MYRFL: variants seen among roughly 807,000 people sequenced by gnomAD.
MYRFL encodes myelin regulatory factor like.
A neutral mutation model predicts 109.4 loss-of-function variants in MYRFL; 88 were observed. The ratio of observed to expected loss-of-function variants is 0.80; its 90% CI spans 0.68 to 0.96. MYRFL has a LOEUF of 0.96. Among genes scored for constraint, MYRFL ranks in the 40% least tolerant of loss-of-function variants. The pLI, the probability that MYRFL is intolerant of heterozygous loss-of-function variation, is 0.00. For missense variants in MYRFL, 957 were observed against 954.9 expected, an observed-to-expected ratio of 1.00 and a Z score of -0.03; for synonymous variants, 324 against 320.9, an observed-to-expected ratio of 1.01 and a Z score of -0.10.
intron 2 of MYRFL, among the ~76,000 whole-genome samples, chr12:69,859,697 A>G (rs936677174): frequency 1.3e-5 from 2 of 152,068 alleles, no homozygotes; most frequent in South Asian, 4.1e-4. Context: ...CATCAGAGAA[A>G]TGCAAATCAA....
chr12:69,957,877 T>G lies in MYRFL; in HGVS notation c.2506T>G (p.Phe836Val). 1 of 1,535,122 alleles carries G rather than the reference T, an allele frequency of 6.5e-7. No homozygotes were observed. Among genetic ancestry groups the G allele is most frequent in the Non-Finnish European group, 8.7e-7 (1 of 1,146,108 alleles). Residue 836 changes from phenylalanine to valine, a missense_variant, in exon 23 of 25, where the codon TTC (phenylalanine) becomes GTC (valine). Transcript: ENST00000552032. ...CAAATTCACCCTTGGAAATATATGT[T>G]TCCATAGTAAAAGGGGAACCAAAGG... Reference protein sequence around the residue: ...QCKFTLGNICFHSKRGTKGLE... With the variant: ...QCKFTLGNICVHSKRGTKGLE...
intron 7 of MYRFL, 105 bp from the exon 8 acceptor site, chr12:69,893,659 G>A (rs1887048067): frequency 7.8e-6 from 4 of 512,318 alleles, no homozygotes; most frequent in Non-Finnish European, 1.2e-5. Context: ...CCTGCCCAGT[G>A]CCTAGGATGA....
chr12:69,901,892 TGTTTTTTTTAAA>T (rs1277559867), intron 10 of MYRFL, among the ~76,000 whole-genome samples: 2 of 149,508 alleles, frequency 1.3e-5, no homozygotes, highest in African/African-American at 5.0e-5. Context: ...TGTTTTTTTT[TGTTTTTTTTAAA>T]TTTTCTTGAG....
At chr12:69,891,693 C>CTTTCTTTT (rs1566002958) in intron 7 of MYRFL, among the ~76,000 whole-genome samples, 2 of 98,516 alleles carry the variant, frequency 2.0e-5, no homozygotes, top group African/African-American at 1.0e-4. Flanking sequence ...TTCGTTCGTT[C>CTTTCTTTT]GTTCTTTCTT....
At chr12:69,926,779 A>C (rs1955099071) in intron 14 of MYRFL, 45 bp downstream of exon 14, 1 of 1,352,810 alleles carries the variant, frequency 7.4e-7, no homozygotes. Flanking sequence ...GAAAGGAGAG[A>C]GTGAGCTCTT....
At chr12:69,897,270 C>G (rs1954026499) in intron 10 of MYRFL, 24 bp downstream of exon 10, 2 of 1,490,912 alleles carry the variant, frequency 1.3e-6, no homozygotes, top group Non-Finnish European at 9.0e-7. Flanking sequence ...TCTGACTTTT[C>G]TGGATCTCAC....
At chr12:69,910,633 CAA>C (rs5798959) in intron 12 of MYRFL, among the ~76,000 whole-genome samples, 186 bp from the exon 13 acceptor site, 24,694 of 125,258 alleles carry the variant, frequency 0.2, 2,234 homozygotes, top group Middle Eastern at 0.3. Context: ...CCCAGAGTCT[CAA>C]AAAAAAAAAA....
chr12:69,954,765 G>A (rs979758438), intron 21 of MYRFL, among the ~76,000 whole-genome samples: 23 of 152,098 alleles, frequency 1.5e-4, no homozygotes, highest in Non-Finnish European at 2.9e-5. Context: ...GTTACAATAC[G>A]AATCAAAGGA....
In MYRFL at chr12:69,952,932, C is replaced by G. The variant is rs539581926; in HGVS notation, c.2375+46C>G. The G allele has an allele frequency of 1.8e-4, 243 of 1,370,342 alleles. 1 individual carries two copies. The South Asian group carries it at 3.1e-3, about 17-fold the overall frequency. The allele number at this position is 1,370,342 out of a possible 1,614,324, so 84.9% of individuals were successfully genotyped here. A position where few individuals can be genotyped will look rare whatever the true frequency, so the allele number is the denominator to read the frequency against. ...TGCCCTGGTTGTTTCTGGAATTTAC[C>G]CATGGCTCTGGGTTTTTAAGACTGC... On this transcript the variant is annotated intron_variant, in intron 21 of 24. Transcript: ENST00000552032.
At chr12:69,919,117 A>G (rs761838720) in intron 13 of MYRFL, among the ~76,000 whole-genome samples, 4 of 152,228 alleles carry the variant, frequency 2.6e-5, no homozygotes, top group Admixed American at 6.5e-5. Context: ...TAGGTGCTTA[A>G]TAAAGAACTA....
chr12:69,907,691 A>C (rs933685524), intron 11 of MYRFL, among the ~76,000 whole-genome samples: 5 of 152,102 alleles, frequency 3.3e-5, no homozygotes, highest in Admixed American at 1.3e-4. Context: ...TTTCCATCAA[A>C]AATTTTAGGT....
chr12:69,879,399 C>A lies in MYRFL; in HGVS notation c.410C>A (p.Ser137Tyr). Reference protein sequence around the residue: ...LATPLDQSVSSHLGIGCSYPQ... With the variant: ...LATPLDQSVSYHLGIGCSYPQ... ...ACCCCCCTGGACCAATCCGTGTCCTCCCATCTGGGGATAGGTTGTTCTTAC... is the reference window on the plus strand; with the variant it reads ...ACCCCCCTGGACCAATCCGTGTCCTACCATCTGGGGATAGGTTGTTCTTAC... Residue 137 changes from serine to tyrosine, a missense_variant, in exon 4 of 25, where the codon TCC (serine) becomes TAC (tyrosine). By Grantham distance (144) the Ser-to-Tyr change is moderately radical. Transcript: ENST00000552032. 1.4e-6 allele frequency: 1 copy of A among 702,894 alleles called. No homozygotes were observed. Among genetic ancestry groups the A allele is most frequent in the Non-Finnish European group, 2.6e-6 (1 of 384,834 alleles). The allele number at this position is 702,894 out of a possible 1,614,324, so 43.5% of individuals were successfully genotyped here.
Position 69,868,900 on chromosome 12 carries a change from GCA to G in MYRFL, c.138-10124_138-10123del, listed in dbSNP as rs199877608. The stretch of plus-strand genomic sequence containing the variant: ...CACACATGCACTCACACACACGTAC[GCA>G]CACGCGCACACACACATGTACTCAC... On this transcript the variant is annotated intron_variant, in intron 2 of 24. Transcript: ENST00000552032. Among the ~76,000 whole-genome samples, 715 of 150,972 alleles carry G rather than the reference GCA, an allele frequency of 4.7e-3. 8 individuals are homozygous for G. Among genetic ancestry groups the G allele is most frequent in the African/African-American group, 0.016 (667 of 41,060 alleles).
intron 1 of MYRFL, among the ~76,000 whole-genome samples, chr12:69,841,247 A>G (rs1883226730): frequency 6.6e-6 from 1 of 152,118 alleles, no homozygotes; most frequent in Non-Finnish European, 1.5e-5. Flanking sequence ...CTCCTCATCC[A>G]GTTCTCTCAT....
intron 19 of MYRFL, among the ~76,000 whole-genome samples, chr12:69,947,341 T>C (rs1955863729): frequency 1.3e-5 from 2 of 152,290 alleles, no homozygotes; most frequent in South Asian, 4.1e-4. Context: ...TCAACATTTT[T>C]ATGACATGCT....
chr12:69,938,748 A>AGAC (rs1332174221), intron 19 of MYRFL, among the ~76,000 whole-genome samples: 17 of 152,358 alleles, frequency 1.1e-4, no homozygotes, highest in Middle Eastern at 3.4e-3. Context: ...GCGATGCAGA[A>AGAC]GACGGGTGAT....
chr12:69,929,249 C>T (rs1268835311), intron 15 of MYRFL, among the ~76,000 whole-genome samples: 1 of 152,140 alleles, frequency 6.6e-6, no homozygotes, highest in Non-Finnish European at 1.5e-5. Context: ...GCTTAAAGAG[C>T]ACCCGTTCAA....
At chr12:69,861,216 A>G (rs1305609317) in intron 2 of MYRFL, among the ~76,000 whole-genome samples, 4 of 151,866 alleles carry the variant, frequency 2.6e-5, no homozygotes, top group Admixed American at 1.3e-4. Flanking sequence ...ATACATGTGC[A>G]TGTGTCTTTA....
Position 69,850,351 on chromosome 12 carries a change from AATAAAATATTAAATTTAAT to A in MYRFL, c.47-4916_47-4898del, listed in dbSNP as rs548151308. ...GAAATGATCTTATATGCACTATTTT[AATAAAATATTAAATTTAAT>A]ATAAAATATTAATTTTACTTGAATT... On this transcript the variant is annotated intron_variant, in intron 1 of 24. Transcript: ENST00000552032. Among the ~76,000 whole-genome samples the A allele has an allele frequency of 5.3e-5, 8 of 151,976 alleles. 1 individual carries two copies. The highest frequency in any genetic ancestry group is 1.4e-4 in the African/African-American group (6 of 41,554).
Sources: allele counts gnomAD v4.1 joint callset (sites outside exome capture counted in the v4.1 genomes callset), GRCh38; gene constraint gnomAD v4.1.1; transcripts MANE v1.5; gene names NCBI Gene and HGNC (gene_info 2026-07-23, HGNC 2026-07-21).